The following ALDH1A3 variants were observed in gnomAD, a reference collection of about 807,000 sequenced individuals.
The protein encoded by ALDH1A3 is aldehyde dehydrogenase 1 family member A3.
A neutral mutation model predicts 57.5 loss-of-function variants in ALDH1A3; 28 were observed. The observed-to-expected ratio is 0.49, with a 90% CI of 0.36 to 0.67. The LOEUF is 0.67. Ranked by LOEUF, ALDH1A3 falls within the 30% of genes least tolerant of loss-of-function variation. The pLI is 0.00. For synonymous variants in ALDH1A3, 281 were observed against 264.8 expected (o/e 1.06, Z -0.59); for missense variants, 507 against 669.4 (o/e 0.76, Z 2.68).
At chr15:100,901,215 C>A (rs2041765378) in intron 9 of ALDH1A3, among the ~76,000 whole-genome samples, 1 of 152,140 alleles carries the variant, frequency 6.6e-6, no homozygotes, top group Non-Finnish European at 1.5e-5. Context: ...TATCTCCAGG[C>A]AGTAGGAACA....
chr15:100,903,069 C>G (rs2041786225), intron 9 of ALDH1A3, among the ~76,000 whole-genome samples: 1 of 152,124 alleles, frequency 6.6e-6, no homozygotes, highest in South Asian at 2.1e-4. Flanking sequence ...GTTTTTGTTA[C>G]TTTTTTTGAG....
At chr15:100,896,751 A>G (rs570599828) in intron 7 of ALDH1A3, among the ~76,000 whole-genome samples, 1 of 152,340 alleles carries the variant, frequency 6.6e-6, no homozygotes, top group South Asian at 2.1e-4. Flanking sequence ...TCAGGGACAT[A>G]TTTTCAAGGA....
intron 1 of ALDH1A3, among the ~76,000 whole-genome samples, chr15:100,881,910 A>G (rs1289145469): frequency 6.6e-6 from 1 of 152,204 alleles, no homozygotes; most frequent in Non-Finnish European, 1.5e-5. Flanking sequence ...TGTGTGGCTG[A>G]GGGTGGCCAA....
chr15:100,892,822 T>A, intron 4 of ALDH1A3, 123 bp from the exon 5 acceptor site: 1 of 1,328,104 alleles, frequency 7.5e-7, no homozygotes, highest in East Asian at 2.3e-5. Flanking sequence ...ATCACTTCTC[T>A]GTATAATAGA....
chr15:100,888,939 T>C (rs1295025578), intron 3 of ALDH1A3: 1 of 152,198 alleles, frequency 6.6e-6, no homozygotes, highest in East Asian at 1.9e-4. Flanking sequence ...AATTTCTAGA[T>C]ACCCTAGGTG....
At chr15:100,885,157 C>A in intron 1 of ALDH1A3, 110 bp from the exon 2 acceptor site, 2 of 751,290 alleles carry the variant, frequency 2.7e-6, no homozygotes, top group Non-Finnish European at 4.6e-6. Flanking sequence ...AGGGAAGCAG[C>A]AGAGAGGAAG....
chr15:100,880,347 C>T, intron 1 of ALDH1A3: 2 of 372,160 alleles, frequency 5.4e-6, no homozygotes, highest in Non-Finnish European at 9.6e-6. Context: ...CGCGTTGACT[C>T]GGAGCGCGCT....
In ALDH1A3 at chr15:100,894,181, G is replaced by A. The variant is rs2041678383; in HGVS notation, c.666+99G>A. 1.6e-5 allele frequency: 23 copies of A among 1,439,032 alleles called. No individual in the cohort carries two copies. The South Asian group carries it at 2.2e-4, about 14-fold the overall frequency. 89.1% of individuals were successfully genotyped at this position (1,439,032 alleles called of 1,614,324 possible). A position where few individuals can be genotyped will look rare whatever the true frequency, so the allele number is the denominator to read the frequency against. Reference sequence around the variant, plus strand: ...GAGATGGGACAGTGGCAGACTGCTGGCAATCGAGTGGGAAGGGAATGACTT... The same window carrying A: ...GAGATGGGACAGTGGCAGACTGCTGACAATCGAGTGGGAAGGGAATGACTT... On this transcript the variant is annotated intron_variant, in intron 6 of 12. Coordinates refer to ENST00000329841, the MANE Select transcript of ALDH1A3 (RefSeq NM_000693.4). This position sits in a 1 kb window ranked among gnomAD's most constrained non-coding sequence, Gnocchi z 4.5.
chr15:100,901,695 A>T (rs1484726002), intron 9 of ALDH1A3, among the ~76,000 whole-genome samples: 1 of 152,230 alleles, frequency 6.6e-6, no homozygotes, highest in Non-Finnish European at 1.5e-5. Context: ...GAAGTATTCA[A>T]TTATGGGCAG....
In ALDH1A3 at chr15:100,893,885, A is replaced by G; in HGVS notation, c.538-69A>G. Reference sequence around the variant, plus strand: ...AAAAGCAAGTGTCCTCCACAAAGGCATCGTTGAGCACATGGGACAGGGTAA... The same window carrying G: ...AAAAGCAAGTGTCCTCCACAAAGGCGTCGTTGAGCACATGGGACAGGGTAA... On this transcript the variant is annotated intron_variant, in intron 5 of 12. Coordinates refer to ENST00000329841, the MANE Select transcript of ALDH1A3 (RefSeq NM_000693.4). This position sits in a 1 kb window ranked among gnomAD's most constrained non-coding sequence, Gnocchi z 4.8. 1 of 1,558,206 alleles carries G rather than the reference A, an allele frequency of 6.4e-7. No individual in the cohort carries two copies. The highest frequency in any genetic ancestry group is 8.7e-7 in the Non-Finnish European group (1 of 1,154,902).
rs4646674 is a variant in ALDH1A3, at chr15:100,900,783, A to C, written c.1068+24A>C. 1,023,560 of 1,608,748 alleles carry C rather than the reference A, an allele frequency of 0.64. 327,584 individuals carry two copies. The highest frequency in any genetic ancestry group is 0.74 in the East Asian group (33,110 of 44,780). ...AGGTAATCCCCCTGGTGTGTGTGAAACCATGGTGCTTGTCTAGGGGCTGAA... is the reference window on the plus strand; with the variant it reads ...AGGTAATCCCCCTGGTGTGTGTGAACCCATGGTGCTTGTCTAGGGGCTGAA... On this transcript the variant is annotated intron_variant, in intron 9 of 12. Coordinates refer to ENST00000329841, the MANE Select transcript of ALDH1A3 (RefSeq NM_000693.4).
chr15:100,907,390 G>A, intron 11 of ALDH1A3, 112 bp downstream of exon 11: 2 of 1,249,060 alleles, frequency 1.6e-6, no homozygotes, highest in African/African-American at 1.5e-5. Context: ...TATATACCAA[G>A]CCCTGTCTCA....
In ALDH1A3 at chr15:100,879,842, C is replaced by T; in HGVS notation, c.-66C>T. The T allele has an allele frequency of 8.5e-7, 1 of 1,179,846 alleles. No individual in the cohort carries two copies. The highest frequency in any genetic ancestry group is 1.1e-6 in the Non-Finnish European group (1 of 918,442). The allele number at this position is 1,179,846 out of a possible 1,614,324, so 73.1% of individuals were successfully genotyped here. ...GCTGCCACCCCGGGAGCGGGCTGCG[C>T]AGTGTCCGGGCCGAGCCGGTGCGCC... On this transcript the variant is annotated 5_prime_UTR_variant, in exon 1 of 13. Coordinates refer to ENST00000329841, the MANE Select transcript of ALDH1A3 (RefSeq NM_000693.4).
intron 11 of ALDH1A3, among the ~76,000 whole-genome samples, chr15:100,908,131 A>ATCTC (rs2041844833): frequency 2.0e-5 from 3 of 152,008 alleles, no homozygotes; most frequent in African/African-American, 4.8e-5. Context: ...TTACAGGCAT[A>ATCTC]AGTCATCATG....
intron 9 of ALDH1A3, among the ~76,000 whole-genome samples, chr15:100,903,719 C>T (rs1248202391): frequency 6.6e-6 from 1 of 152,170 alleles, no homozygotes; most frequent in Non-Finnish European, 1.5e-5. Flanking sequence ...AAAATGCTAT[C>T]TTGTTTCATT....
At chr15:100,907,332 C>T (rs1277217677) in intron 11 of ALDH1A3, 54 bp downstream of exon 11, 1 of 1,556,890 alleles carries the variant, frequency 6.4e-7, no homozygotes, top group African/African-American at 1.4e-5. Flanking sequence ...TTGCTAAGTT[C>T]ATTATTCTTC....
At chr15:100,901,283 G>C (rs574977223) in intron 9 of ALDH1A3, among the ~76,000 whole-genome samples, 24 of 152,188 alleles carry the variant, frequency 1.6e-4, no homozygotes, top group Non-Finnish European at 3.1e-4. Context: ...TCATAACCAC[G>C]AGATTTAATA....
Position 100,887,396 on chromosome 15 carries a change from G to C in ALDH1A3, c.205-176G>C, listed in dbSNP as rs28385499. On this transcript the variant is annotated intron_variant, in intron 2 of 12. Coordinates refer to ENST00000329841, the MANE Select transcript of ALDH1A3 (RefSeq NM_000693.4). This position sits in a 1 kb window ranked among gnomAD's most constrained non-coding sequence, Gnocchi z 4.6. ...TGCAGTCACCTCAAAAGATGACACC[G>C]AAACTGCAGTCACTTCAAAAGATGA... is the stretch of plus-strand genomic sequence containing the variant. Among the ~76,000 whole-genome samples, 2,814 of 132,126 alleles carry C rather than the reference G, an allele frequency of 0.021. 50 individuals carry two copies. The highest frequency in any genetic ancestry group is 0.029 in the Non-Finnish European group (1,820 of 61,878). 86.7% of individuals were successfully genotyped at this position (132,126 alleles called of 152,430 possible).
intron 9 of ALDH1A3, among the ~76,000 whole-genome samples, chr15:100,902,214 A>T (rs2041777094): frequency 6.6e-6 from 1 of 151,902 alleles, no homozygotes; most frequent in South Asian, 2.1e-4. Context: ...CTGAGTCTTG[A>T]CTTTTGAGGC....
Sources: gnomAD v4.1 joint callset for allele counts (sites outside exome capture counted in the v4.1 genomes callset) on GRCh38, gnomAD v4.1.1 for gene constraint, Gnocchi (gnomAD v3.1) non-coding constraint, MANE v1.5 for transcripts, NCBI Gene and HGNC (gene_info 2026-07-23, HGNC 2026-07-21) for gene names.